The following DMD variants were observed in gnomAD, a reference collection of about 807,000 sequenced individuals.
DMD encodes the protein dystrophin, also known as mutant dystrophin.
DMD carries 63 observed loss-of-function variants against 330.1 expected under a neutral mutation model. That is an observed-to-expected ratio of 0.19 (90% CI 0.16 to 0.24). The LOEUF is 0.24. Among genes scored for constraint, DMD ranks in the 10% least tolerant of loss-of-function variants. The probability of loss-of-function intolerance (pLI) is 1.00; values close to 1 mark genes in which losing one functional copy is unlikely to be tolerated. For synonymous variants in DMD, 1,223 were observed against 959.8 expected (o/e 1.27, Z -5.07); for missense variants, 3,344 against 2,684.1 (o/e 1.25, Z -5.43).
In DMD at chrX:31,171,472, G is replaced by C. The variant is rs753570581; in HGVS notation, c.10394+876C>G. Among the ~76,000 whole-genome samples the C allele has an allele frequency of 9.8e-5, 9 of 92,066 alleles. No homozygotes were observed. The South Asian group carries it at 3.0e-3, about 31-fold the overall frequency. 79.9% of individuals were successfully genotyped at this position (92,066 alleles called of 115,157 possible). On this transcript the variant is annotated intron_variant, in intron 73 of 78. Transcript: ENST00000357033. The stretch of plus-strand genomic sequence containing the variant: ...TGTCTATATTCTCCAAGATGGGTGA[G>C]ATATCCTTACTTTATCAAACTAAAA...
At chrX:31,822,653 G>GGGGGTGTGTGTGTGTGTGTGTGT (rs58903799) in intron 49 of DMD, among the ~76,000 whole-genome samples, 8 of 65,809 alleles carry the variant, frequency 1.2e-4, no homozygotes, top group African/African-American at 5.1e-4. Context: ...AAGGCAGAGG[G>GGGGGTGTGTGTGTGTGTGTGTGT]GTGTGTGTGT....
At chrX:32,032,088 T>C (rs974162759) in intron 44 of DMD, among the ~76,000 whole-genome samples, 6 of 111,691 alleles carry the variant, frequency 5.4e-5, no homozygotes, top group Middle Eastern at 4.7e-3. Flanking sequence ...TTTTTAGATG[T>C]ACCTATTTAG....
At chrX:32,230,529 G>A (rs1247533797) in intron 43 of DMD, among the ~76,000 whole-genome samples, 2 of 112,313 alleles carry the variant, frequency 1.8e-5, no homozygotes, top group Non-Finnish European at 3.8e-5. Context: ...ACAGGCGTGA[G>A]CCACCGCGCC....
In DMD at chrX:31,441,189, T is replaced by TTTTTA. The variant is rs199783061; in HGVS notation, c.9084+3287_9084+3291dup. 3.6e-3 allele frequency among the ~76,000 whole-genome samples: 404 copies of TTTTTA among 111,923 alleles called. 8 individuals carry two copies. In the Admixed American group the frequency reaches 0.037, roughly 10 times the overall value. ...GCCTTTCTACTACTCCAGTTCTCTA[T>TTTTTA]TTTTATTTTATTTTATTTTATTTTT... is the stretch of plus-strand genomic sequence containing the variant. On this transcript the variant is annotated intron_variant, in intron 60 of 78. Transcript: ENST00000357033.
intron 42 of DMD, among the ~76,000 whole-genome samples, chrX:32,297,243 ATTT>A (rs1271765902): frequency 6.0e-4 from 46 of 76,652 alleles, no homozygotes; most frequent in African/African-American, 1.6e-3. Flanking sequence ...TATTTTATTT[ATTT>A]ATTTATTTAT....
chrX:31,713,481 C>A (rs73459811), intron 52 of DMD, among the ~76,000 whole-genome samples: 5 of 111,656 alleles, frequency 4.5e-5, no homozygotes, highest in Admixed American at 2.9e-4. Context: ...TTGTCTTTCC[C>A]TAGATTATCA....
At chrX:33,010,261 A>G (rs184548630) in intron 2 of DMD, among the ~76,000 whole-genome samples, 1 of 52,367 alleles carries the variant, frequency 1.9e-5, no homozygotes, top group Non-Finnish European at 4.8e-5. Flanking sequence ...TATATGTACA[A>G]ATATGTGTGT....
At chrX:31,721,915 T>C (rs2085592860) in intron 52 of DMD, among the ~76,000 whole-genome samples, 1 of 107,557 alleles carries the variant, frequency 9.3e-6, no homozygotes, top group African/African-American at 3.4e-5. Context: ...ATGCACAATA[T>C]ATTTCTAATG....
intron 63 of DMD, among the ~76,000 whole-genome samples, chrX:31,245,394 T>C (rs1196289730): frequency 1.8e-5 from 2 of 111,815 alleles, no homozygotes; most frequent in African/African-American, 3.2e-5. Context: ...CTTCATTCAA[T>C]GAACAATTAT....
At chrX:32,735,115 C>T (rs1214690482) in intron 7 of DMD, among the ~76,000 whole-genome samples, 1 of 108,802 alleles carries the variant, frequency 9.2e-6, no homozygotes, top group Non-Finnish European at 1.9e-5. Flanking sequence ...TTCTTATACA[C>T]CAACAACAGA....
At chrX:33,073,616 A>G (rs192510169) in intron 1 of DMD, among the ~76,000 whole-genome samples, 2,685 of 110,873 alleles carry the variant, frequency 0.024, 53 homozygotes, top group Non-Finnish European at 0.037. Flanking sequence ...GGGTCACCTG[A>G]GGTCAGGAGT....
chrX:31,890,442 ATTAAAC>A (rs1242029144), intron 47 of DMD, among the ~76,000 whole-genome samples: 1 of 111,625 alleles, frequency 9.0e-6, no homozygotes, highest in Non-Finnish European at 1.9e-5. Flanking sequence ...ATTTAAATGT[ATTAAAC>A]TTAAATACAA....
intron 29 of DMD, among the ~76,000 whole-genome samples, chrX:32,431,865 TGTGA>T (rs1224048177): frequency 9.0e-6 from 1 of 111,215 alleles, no homozygotes; most frequent in Non-Finnish European, 1.9e-5. Context: ...TTCTTGTGCG[TGTGA>T]GTGAGTGTGT....
chrX:32,454,573 G>C, intron 26 of DMD, 89 bp downstream of exon 26: 1 of 740,740 alleles, frequency 1.3e-6, no homozygotes, highest in Middle Eastern at 4.7e-4. Flanking sequence ...GGAAAGAGCA[G>C]ACTGTATACA....
chrX:32,204,394 C>A (rs1305811067), intron 44 of DMD, among the ~76,000 whole-genome samples: 1 of 112,328 alleles, frequency 8.9e-6, no homozygotes, highest in Non-Finnish European at 1.9e-5. Flanking sequence ...GGCACTAAAC[C>A]AACTTTATAA....
At chrX:32,602,703 C>A (rs1346170897) in intron 12 of DMD, among the ~76,000 whole-genome samples, 3 of 111,322 alleles carry the variant, frequency 2.7e-5, no homozygotes, top group African/African-American at 9.8e-5. Flanking sequence ...ACCACTACTG[C>A]TTACTCTATG....
At chrX:31,501,837 T>A (rs1437892424) in intron 56 of DMD, among the ~76,000 whole-genome samples, 1 of 111,374 alleles carries the variant, frequency 9.0e-6, no homozygotes, top group East Asian at 2.8e-4. Context: ...AGTACCCTCA[T>A]GTAATAAAAT....
intron 52 of DMD, among the ~76,000 whole-genome samples, chrX:31,688,309 T>A (rs1470029853): frequency 3.7e-5 from 4 of 109,534 alleles, no homozygotes; most frequent in Non-Finnish European, 5.7e-5. Context: ...ACCACAGAAA[T>A]ACAAACTACC....
chrX:32,117,238 C>G (rs2096614735), intron 44 of DMD, among the ~76,000 whole-genome samples: 1 of 109,561 alleles, frequency 9.1e-6, no homozygotes, highest in Non-Finnish European at 1.9e-5. Context: ...ATGGTCCATG[C>G]CATCTTCATT....
Sources: allele counts gnomAD v4.1 joint callset (sites outside exome capture counted in the v4.1 genomes callset), GRCh38; gene constraint gnomAD v4.1.1; transcripts MANE v1.5; gene names NCBI Gene and HGNC (gene_info 2026-07-23, HGNC 2026-07-21).